Variants in CSMD1 observed in about 807,000 individuals in gnomAD.
The protein encoded by CSMD1 is CUB and sushi domain-containing protein 1.
A neutral mutation model predicts 417.5 loss-of-function variants in CSMD1; 213 were observed. The observed-to-expected ratio is 0.51, with a 90% CI of 0.46 to 0.57. The LOEUF (loss-of-function observed/expected upper bound fraction) is 0.57, where lower values mean the gene tolerates loss of function less well. Among genes scored for constraint, CSMD1 ranks in the 20% least tolerant of loss-of-function variants. The pLI is 0.00. For missense variants in CSMD1, 6,923 were observed against 4,529.7 expected (o/e 1.53, Z -15.17); for synonymous variants, 2,862 against 1,736.8 (o/e 1.65, Z -16.11).
chr8:3,254,147 C>G (rs149256215), intron 26 of CSMD1, among the ~76,000 whole-genome samples: 1 of 152,060 alleles, frequency 6.6e-6, no homozygotes, highest in African/African-American at 2.4e-5. Context: ...TTAGTTTGGC[C>G]GGATATGAAA....
chr8:3,320,194 C>T (rs1461564961), intron 23 of CSMD1, among the ~76,000 whole-genome samples: 1 of 152,154 alleles, frequency 6.6e-6, no homozygotes, highest in Non-Finnish European at 1.5e-5. Flanking sequence ...TATAAGAGTC[C>T]AACTAAGCAG....
intron 4 of CSMD1, among the ~76,000 whole-genome samples, chr8:4,016,811 G>C (rs1008118607): frequency 6.6e-6 from 1 of 152,158 alleles, no homozygotes; most frequent in South Asian, 2.1e-4. Flanking sequence ...TGTTTTATTT[G>C]ACATCCATGA....
chr8:4,929,828 C>CA (rs990972278), intron 1 of CSMD1, among the ~76,000 whole-genome samples: 16 of 152,154 alleles, frequency 1.1e-4, no homozygotes, highest in Admixed American at 2.6e-4. Flanking sequence ...CCCTCACTGC[C>CA]AAAAACATCC....
At chr8:3,512,537 G>A (rs1797119921) in intron 10 of CSMD1, among the ~76,000 whole-genome samples, 1 of 108,422 alleles carries the variant, frequency 9.2e-6, no homozygotes, top group South Asian at 2.9e-4. Context: ...GTGGGCTGGT[G>A]GGTGAGTCCA....
chr8:3,390,933 T>G (rs1347166891), intron 17 of CSMD1, among the ~76,000 whole-genome samples: 3 of 152,060 alleles, frequency 2.0e-5, no homozygotes, highest in Admixed American at 2.0e-4. Flanking sequence ...AAAGTCACAG[T>G]TGATAAAGCC....
At chr8:4,261,489 G>T (rs777019574) in intron 3 of CSMD1, among the ~76,000 whole-genome samples, 1 of 152,130 alleles carries the variant, frequency 6.6e-6, no homozygotes, top group African/African-American at 2.4e-5. Flanking sequence ...CTAATGTACA[G>T]CATGGTTACT....
At chr8:4,813,465 C>T (rs962972724) in intron 1 of CSMD1, among the ~76,000 whole-genome samples, 5 of 152,202 alleles carry the variant, frequency 3.3e-5, no homozygotes, top group South Asian at 2.1e-4. Context: ...TACAACAGAA[C>T]GTATCAAAAA....
chr8:4,682,854 G>T (rs929112895), intron 1 of CSMD1, among the ~76,000 whole-genome samples: 2 of 150,052 alleles, frequency 1.3e-5, no homozygotes, highest in African/African-American at 4.9e-5. Flanking sequence ...TTTATCCAAA[G>T]ACTACTAAAT....
At chr8:3,589,521 C>G (rs1251134560) in intron 8 of CSMD1, among the ~76,000 whole-genome samples, 2 of 151,948 alleles carry the variant, frequency 1.3e-5, no homozygotes, top group Non-Finnish European at 2.9e-5. Context: ...TAAAATGAAC[C>G]AGGCACAGAA....
intron 37 of CSMD1, among the ~76,000 whole-genome samples, chr8:3,172,046 T>A (rs191796026): frequency 6.6e-6 from 1 of 152,210 alleles, no homozygotes; most frequent in Non-Finnish European, 1.5e-5. Context: ...ATCTACAAAA[T>A]CCTGAGAATT....
intron 3 of CSMD1, among the ~76,000 whole-genome samples, chr8:4,188,402 A>G (rs1370107134): frequency 3.9e-5 from 6 of 152,320 alleles, no homozygotes; most frequent in East Asian, 1.9e-4. Context: ...AAACATTCGT[A>G]TATTGCCTCA....
chr8:3,273,454 G>C (rs1374811777), intron 26 of CSMD1, among the ~76,000 whole-genome samples: 3 of 151,050 alleles, frequency 2.0e-5, no homozygotes, highest in Non-Finnish European at 3.0e-5. Flanking sequence ...CATAAAATGA[G>C]TTAGGGAGGA....
chr8:3,511,731 G>C (rs886916268), intron 10 of CSMD1, among the ~76,000 whole-genome samples: 4 of 145,176 alleles, frequency 2.8e-5, no homozygotes, highest in Admixed American at 1.4e-4. Context: ...CCTCCAGCAG[G>C]GGTGACAGAG....
At chr8:3,829,895 T>C (rs568247644) in intron 5 of CSMD1, among the ~76,000 whole-genome samples, 18 of 152,268 alleles carry the variant, frequency 1.2e-4, no homozygotes, top group African/African-American at 3.9e-4. Flanking sequence ...TCTATCTACA[T>C]AGATCTATTG....
In CSMD1 at chr8:3,150,428, G is replaced by A. The variant is rs574461894; in HGVS notation, c.6031+969C>T. Among the ~76,000 whole-genome samples, 4 of 152,274 alleles carry A rather than the reference G, an allele frequency of 2.6e-5. No homozygotes were observed. The South Asian group carries it at 8.3e-4, about 32-fold the overall frequency. ...GACCTGTCGGGCCGTCATTCCGACT[G>A]TTCATTCCCCGGCCACTCTCTGCTG... On this transcript the variant is annotated intron_variant, in intron 40 of 69. Transcript: ENST00000635120.
chr8:4,232,167 G>A (rs1042899160), intron 3 of CSMD1, among the ~76,000 whole-genome samples: 2 of 152,108 alleles, frequency 1.3e-5, no homozygotes, highest in Non-Finnish European at 2.9e-5. Flanking sequence ...AAATCCAAGT[G>A]TATTGAGAAA....
At chr8:3,821,815 A>G (rs749554648) in intron 5 of CSMD1, among the ~76,000 whole-genome samples, 1 of 152,094 alleles carries the variant, frequency 6.6e-6, no homozygotes, top group Non-Finnish European at 1.5e-5. Context: ...CAAACAAACA[A>G]AAAGTTTAAT....
At chr8:3,223,028 A>G (rs1798306023) in intron 28 of CSMD1, among the ~76,000 whole-genome samples, 1 of 152,158 alleles carries the variant, frequency 6.6e-6, no homozygotes, top group Non-Finnish European at 1.5e-5. Flanking sequence ...CTACAGAATG[A>G]CTCACCTTCA....
chr8:4,979,658 T>C (rs1810766117), intron 1 of CSMD1, among the ~76,000 whole-genome samples: 1 of 152,236 alleles, frequency 6.6e-6, no homozygotes, highest in African/African-American at 2.4e-5. Context: ...CAAAATATGT[T>C]GGTGTGGTGA....
Sources: gnomAD v4.1 joint callset for allele counts (sites outside exome capture counted in the v4.1 genomes callset) on GRCh38, gnomAD v4.1.1 for gene constraint, MANE v1.5 for transcripts, NCBI Gene and HGNC (gene_info 2026-07-23, HGNC 2026-07-21) for gene names.